LRRC7: variants seen among roughly 807,000 people sequenced by gnomAD.
LRRC7 encodes leucine rich repeat containing 7, also known as leucine-rich repeat-containing protein 7.
LRRC7 carries 23 observed loss-of-function variants against 175.7 expected under a neutral mutation model. That is an observed-to-expected ratio of 0.13 (90% CI 0.09 to 0.19). The LOEUF is 0.19. LRRC7 is among the 10% of genes least tolerant of loss of function. The pLI, the probability that LRRC7 is intolerant of heterozygous loss-of-function variation, is 1.00. For synonymous variants in LRRC7, 685 were observed against 680.9 expected, an observed-to-expected ratio of 1.01 and a Z score of -0.09; for missense variants, 1,354 against 1,904.7, an observed-to-expected ratio of 0.71 and a Z score of 5.38.
At chr1:70,061,672 C>G (rs1661588246) in intron 23 of LRRC7, among the ~76,000 whole-genome samples, 1 of 152,068 alleles carries the variant, frequency 6.6e-6, no homozygotes, top group South Asian at 2.1e-4. Flanking sequence ...GACCAAAAGC[C>G]ATTTTTTTCA....
intron 7 of LRRC7, among the ~76,000 whole-genome samples, chr1:69,895,008 C>A (rs916093064): frequency 6.6e-6 from 1 of 152,228 alleles, no homozygotes; most frequent in African/African-American, 2.4e-5. Context: ...AGGCGGATCA[C>A]CCGAGGTCGG....
intron 2 of LRRC7, among the ~76,000 whole-genome samples, chr1:69,713,507 GA>G (rs1413956397): frequency 7.9e-5 from 12 of 151,800 alleles, no homozygotes; most frequent in Non-Finnish European, 1.8e-4. Flanking sequence ...AAAACAAACA[GA>G]AAGAGCTTAT....
intron 8 of LRRC7, among the ~76,000 whole-genome samples, chr1:69,953,134 C>T (rs1393713883): frequency 2.6e-5 from 4 of 151,932 alleles, no homozygotes; most frequent in South Asian, 4.1e-4. Context: ...TTAAATCCAC[C>T]GCTACAAGGA....
chr1:70,035,562 G>GA (rs1213117609), intron 18 of LRRC7, among the ~76,000 whole-genome samples: 4 of 136,354 alleles, frequency 2.9e-5, no homozygotes, highest in African/African-American at 1.2e-4. Flanking sequence ...AAGTTAGGAG[G>GA]AAAGCGGTGG....
intron 6 of LRRC7, among the ~76,000 whole-genome samples, chr1:69,837,304 C>G (rs1227065712): frequency 6.6e-6 from 1 of 151,908 alleles, no homozygotes; most frequent in Non-Finnish European, 1.5e-5. Flanking sequence ...TATTGCAGCA[C>G]TTCTCCCATT....
intron 11 of LRRC7, among the ~76,000 whole-genome samples, chr1:70,008,864 G>A (rs1656226765): frequency 6.6e-6 from 1 of 152,162 alleles, no homozygotes; most frequent in African/African-American, 2.4e-5. Flanking sequence ...AGACTTTGAA[G>A]GAAGTGACGT....
intron 1 of LRRC7, among the ~76,000 whole-genome samples, chr1:69,569,614 T>C (rs1645650237): frequency 6.6e-6 from 1 of 151,982 alleles, no homozygotes. Flanking sequence ...CTGTATAGAT[T>C]GCCTTTTAAA....
At chr1:69,818,865 G>GTT (rs1234881955) in intron 4 of LRRC7, among the ~76,000 whole-genome samples, 1 of 151,964 alleles carries the variant, frequency 6.6e-6, no homozygotes, top group Non-Finnish European at 1.5e-5. Flanking sequence ...AGATTATTCA[G>GTT]TTGTTTGTTG....
intron 2 of LRRC7, among the ~76,000 whole-genome samples, chr1:69,694,575 G>C (rs1662317454): frequency 6.6e-6 from 1 of 152,112 alleles, no homozygotes; most frequent in South Asian, 2.1e-4. Context: ...CAAATTTCAT[G>C]TTGAAATCTG....
intron 9 of LRRC7, among the ~76,000 whole-genome samples, chr1:69,984,561 C>T (rs1258219752): frequency 6.6e-6 from 1 of 152,150 alleles, no homozygotes; most frequent in East Asian, 1.9e-4. Context: ...CCTGCCCTAA[C>T]TCCTCTAGTC....
chr1:70,137,142 C>T lies in LRRC7; in HGVS notation c.*15255C>T, dbSNP rs541299592. ...GACAAGGCTCAGGTGACAGTGGGGA[C>T]GTAAATAACTGCAGTATCATCCTGA... On this transcript the variant is annotated 3_prime_UTR_variant, in exon 27 of 27. Transcript: ENST00000651989. 5.9e-5 allele frequency among the ~76,000 whole-genome samples: 9 copies of T among 152,220 alleles called. No homozygotes were observed. The South Asian group carries it at 1.0e-3, about 18-fold the overall frequency.
intron 1 of LRRC7, among the ~76,000 whole-genome samples, chr1:69,577,531 T>C (rs1034520588): frequency 6.6e-6 from 1 of 152,218 alleles, no homozygotes; most frequent in African/African-American, 2.4e-5. Flanking sequence ...TTTAAGTCTT[T>C]AATCCATCTG....
At chr1:70,024,869 A>G (rs1657917719) in intron 17 of LRRC7, among the ~76,000 whole-genome samples, 1 of 152,318 alleles carries the variant, frequency 6.6e-6, no homozygotes, top group Admixed American at 6.5e-5. Context: ...CAAACATAAT[A>G]CAATGATAAA....
intron 1 of LRRC7, among the ~76,000 whole-genome samples, chr1:69,601,853 G>A (rs1773319): frequency 0.15 from 23,021 of 151,914 alleles, 1,927 homozygotes; most frequent in Admixed American, 0.19. Flanking sequence ...GTTAGTCTAA[G>A]GTATTATTTT....
At chr1:69,979,746 G>C (rs1438577727) in intron 8 of LRRC7, among the ~76,000 whole-genome samples, 1 of 152,082 alleles carries the variant, frequency 6.6e-6, no homozygotes, top group African/African-American at 2.4e-5. Flanking sequence ...TGGGTCTTCA[G>C]GTGGTAGCTT....
intron 1 of LRRC7, among the ~76,000 whole-genome samples, chr1:69,654,486 G>A (rs913043019): frequency 1.3e-5 from 2 of 151,850 alleles, no homozygotes; most frequent in African/African-American, 4.8e-5. Context: ...AATTAGAGTT[G>A]TGATAACAAG....
intron 3 of LRRC7, among the ~76,000 whole-genome samples, chr1:69,766,317 A>T (rs1415240006): frequency 6.6e-6 from 1 of 152,160 alleles, no homozygotes; most frequent in Non-Finnish European, 1.5e-5. Flanking sequence ...GCTCTAATGA[A>T]CAGAAGACAA....
chr1:69,797,184 A>G (rs945863519), intron 4 of LRRC7, among the ~76,000 whole-genome samples: 2 of 152,168 alleles, frequency 1.3e-5, no homozygotes, highest in African/African-American at 2.4e-5. Flanking sequence ...TCGCCATCCA[A>G]TTGTTTTAAC....
At chr1:69,590,813 CAT>C (rs913358948) in intron 1 of LRRC7, among the ~76,000 whole-genome samples, 1 of 152,044 alleles carries the variant, frequency 6.6e-6, no homozygotes, top group African/African-American at 2.4e-5. Flanking sequence ...GAGCTTTAGA[CAT>C]AAAAAATTCA....
Sources: gnomAD v4.1 joint callset for allele counts (sites outside exome capture counted in the v4.1 genomes callset) on GRCh38, gnomAD v4.1.1 for gene constraint, MANE v1.5 for transcripts, NCBI Gene and HGNC (gene_info 2026-07-23, HGNC 2026-07-21) for gene names.